Variants in CLDN10 observed in about 807,000 individuals in gnomAD.
The protein encoded by CLDN10 is claudin 10.
Under a neutral mutation model 22.9 loss-of-function variants are expected in CLDN10, and 15 were observed. The ratio of observed to expected loss-of-function variants is 0.65; its 90% CI spans 0.44 to 1.01. CLDN10 has a LOEUF of 1.01. Among genes scored for constraint, CLDN10 ranks in the 50% least tolerant of loss-of-function variants. The pLI is 0.00. For missense variants in CLDN10, 247 were observed against 287.8 expected (o/e 0.86, Z 1.03); for synonymous variants, 114 against 111.4 (o/e 1.02, Z -0.15).
chr13:95,453,902 G>A lies in CLDN10; in HGVS notation c.214+19855G>A, dbSNP rs560761561. On this transcript the variant is annotated intron_variant, in intron 1 of 4. Transcript: ENST00000376873. Reference sequence around the variant, plus strand: ...GGCCAAGGCGGGCGGATCACCTGAGGTTGGGAGTTCGGGATCTAGTGCCAA... The same window carrying A: ...GGCCAAGGCGGGCGGATCACCTGAGATTGGGAGTTCGGGATCTAGTGCCAA... Among the ~76,000 whole-genome samples, 13 of 152,102 alleles carry A rather than the reference G, an allele frequency of 8.5e-5. No homozygotes were observed. In the East Asian group the frequency reaches 2.3e-3, roughly 27 times the overall value.
intron 1 of CLDN10, among the ~76,000 whole-genome samples, chr13:95,507,045 A>C (rs534814845): frequency 6.6e-6 from 1 of 152,340 alleles, no homozygotes; most frequent in South Asian, 2.1e-4. Flanking sequence ...GTCTCAACAT[A>C]GTGTTAAAAT....
chr13:95,518,519 G>A (rs1262608772), intron 1 of CLDN10, among the ~76,000 whole-genome samples: 3 of 152,204 alleles, frequency 2.0e-5, no homozygotes, highest in African/African-American at 4.8e-5. Flanking sequence ...ACTTTGGGAG[G>A]TGGAGGAAGG....
At position 95,471,442 on chromosome 13, in the gene CLDN10, T is replaced by C. The variant is rs200678522; in HGVS notation, c.214+37395T>C. ...ATACACACACACACACACACACACA[T>C]ATATATATATATTTTTTTTTTTTTT... On this transcript the variant is annotated intron_variant, in intron 1 of 4. Transcript: ENST00000376873. Among the ~76,000 whole-genome samples, 56 of 78,584 alleles carry C rather than the reference T, an allele frequency of 7.1e-4. No individual in the cohort carries two copies. In the East Asian group the frequency reaches 0.013, roughly 18 times the overall value. The allele number at this position is 78,584 out of a possible 152,430, so 51.6% of individuals were successfully genotyped here.
intron 1 of CLDN10, among the ~76,000 whole-genome samples, chr13:95,544,037 T>G (rs554685505): frequency 2.6e-5 from 4 of 152,304 alleles, no homozygotes; most frequent in Non-Finnish European, 4.4e-5. Context: ...TCTACCAATC[T>G]TAATCATATA....
intron 1 of CLDN10, among the ~76,000 whole-genome samples, chr13:95,453,324 TGG>T (rs2042450150): frequency 6.6e-6 from 1 of 152,190 alleles, no homozygotes; most frequent in Non-Finnish European, 1.5e-5. Context: ...AGGACTGGGC[TGG>T]GCTCTCATTC....
At chr13:95,574,039 A>C (rs558785309) in intron 3 of CLDN10, among the ~76,000 whole-genome samples, 11 of 152,284 alleles carry the variant, frequency 7.2e-5, no homozygotes, top group Admixed American at 7.2e-4. Context: ...ATCCCTGCAA[A>C]GGACATAAAT....
intron 3 of CLDN10, among the ~76,000 whole-genome samples, chr13:95,565,180 T>G (rs1413439584): frequency 6.6e-6 from 1 of 152,118 alleles, no homozygotes; most frequent in Non-Finnish European, 1.5e-5. Flanking sequence ...CTCCTTAGCA[T>G]GATTCACCAT....
At chr13:95,471,223 G>T (rs1458739497) in intron 1 of CLDN10, among the ~76,000 whole-genome samples, 1 of 152,042 alleles carries the variant, frequency 6.6e-6, no homozygotes, top group Non-Finnish European at 1.5e-5. Context: ...GGAACTGAAA[G>T]AGTAAGGCAT....
chr13:95,577,271 G>C lies in CLDN10; in HGVS notation c.505G>C (p.Ala169Pro). The change falls in exon 4 of 5, where the codon GCC becomes CCC. Residue 169 changes from alanine to proline, a missense_variant. Ala to Pro is a conservative substitution (Grantham distance 27). Transcript: ENST00000299339. ...CGCTCTGTTTATTGGATGGGCAGGA[G>C]CCTCACTGTGCATAATTGGTGGTGT... ...GAALFIGWAG[A>P]SLCIIGGVIF... 1 of 1,614,128 alleles carries C rather than the reference G, an allele frequency of 6.2e-7. No homozygotes were observed. Among genetic ancestry groups the C allele is most frequent in the Non-Finnish European group, 8.5e-7 (1 of 1,180,000 alleles).
At chr13:95,507,739 TC>T (rs1442426392) in intron 1 of CLDN10, among the ~76,000 whole-genome samples, 1 of 152,058 alleles carries the variant, frequency 6.6e-6, no homozygotes, top group Non-Finnish European at 1.5e-5. Context: ...TTCTCCTGCC[TC>T]AGCCTCCTGA....
chr13:95,467,478 C>T (rs931851757), intron 1 of CLDN10, among the ~76,000 whole-genome samples: 3 of 151,752 alleles, frequency 2.0e-5, no homozygotes, highest in Non-Finnish European at 4.4e-5. Context: ...GTGAATATGC[C>T]TTTTAAATAT....
In CLDN10 at chr13:95,482,782, C is replaced by T. The variant is rs1179689041; in HGVS notation, c.214+48735C>T. ...ACCTGAGGTCAGGAGTTTGAGACCA[C>T]CCTGGCCAACATGGTGAAACCCCCA... On this transcript the variant is annotated intron_variant, in intron 1 of 4. Coordinates refer to the CLDN10 transcript ENST00000376873. Among the ~76,000 whole-genome samples, 11 of 152,184 alleles carry T rather than the reference C, an allele frequency of 7.2e-5. No homozygotes were observed. In the South Asian group the frequency reaches 1.7e-3, roughly 23 times the overall value.
chr13:95,532,165 T>G (rs1367145502), intron 1 of CLDN10, among the ~76,000 whole-genome samples: 1 of 152,194 alleles, frequency 6.6e-6, no homozygotes, highest in Admixed American at 6.5e-5. Context: ...TTTATATACA[T>G]TAGACATCAT....
At chr13:95,447,836 C>T (rs2042395476) in intron 1 of CLDN10, among the ~76,000 whole-genome samples, 1 of 151,926 alleles carries the variant, frequency 6.6e-6, no homozygotes, top group African/African-American at 2.4e-5. Flanking sequence ...ATTCCAGCTT[C>T]AAGTCTGGGG....
intron 1 of CLDN10, among the ~76,000 whole-genome samples, chr13:95,459,811 G>C (rs940007522): frequency 3.3e-5 from 5 of 152,176 alleles, no homozygotes; most frequent in African/African-American, 1.2e-4. Context: ...CCAGAAAATG[G>C]GGTTTTCTTT....
intron 1 of CLDN10, among the ~76,000 whole-genome samples, chr13:95,536,439 ACT>A (rs2043400828): frequency 6.6e-6 from 1 of 152,090 alleles, no homozygotes; most frequent in Non-Finnish European, 1.5e-5. Context: ...ACAGAGCAAG[ACT>A]CTGTCTCAAA....
Position 95,579,411 on chromosome 13 carries a change from C to T in CLDN10, c.*1397C>T, listed in dbSNP as rs1284933594. ...CTTTCATGTCCTGTCTCACTCACTC[C>T]TCACAGCCATCCTAGGAGATACATA... On this transcript the variant is annotated 3_prime_UTR_variant, in exon 5 of 5. Transcript: ENST00000299339. 1 of 152,234 alleles carries T rather than the reference C, an allele frequency of 6.6e-6. No individual in the cohort carries two copies. The highest frequency in any genetic ancestry group is 1.5e-5 in the Non-Finnish European group (1 of 68,038). 9.4% of individuals were successfully genotyped at this position (152,234 alleles called of 1,614,324 possible).
chr13:95,525,007 G>A (rs1594587087), intron 1 of CLDN10, among the ~76,000 whole-genome samples: 1 of 151,966 alleles, frequency 6.6e-6, no homozygotes. Context: ...TTACAGGCAT[G>A]TGCCACAACG....
At chr13:95,561,836 G>T (rs2043717153) in intron 3 of CLDN10, among the ~76,000 whole-genome samples, 1 of 147,310 alleles carries the variant, frequency 6.8e-6, no homozygotes, top group Admixed American at 6.9e-5. Flanking sequence ...TGTGATCTTA[G>T]TTGACTGCAG....
Sources: allele counts gnomAD v4.1 joint callset (sites outside exome capture counted in the v4.1 genomes callset), GRCh38; gene constraint gnomAD v4.1.1; transcripts MANE v1.5; gene names NCBI Gene and HGNC (gene_info 2026-07-23, HGNC 2026-07-21).